Variants in APOB observed in about 807,000 individuals in gnomAD.
The protein encoded by APOB is apolipoprotein B-100.
In APOB, 153 loss-of-function variants were observed where a neutral mutation model predicts 314.1. The ratio of observed to expected loss-of-function variants is 0.49; its 90% confidence interval spans 0.43 to 0.56. The LOEUF is 0.56. Ranked by LOEUF, APOB falls within the 20% of genes least tolerant of loss-of-function variation. The pLI is 0.00. For synonymous variants in APOB, 2,087 were observed against 2,036.4 expected (o/e 1.02, Z -0.67); for missense variants, 5,430 against 5,350.7 (o/e 1.01, Z -0.46).
rs761838451 is a variant in APOB at position 21,002,938 on chromosome 2, C to T, written c.12484G>A (p.Ala4162Thr). 3 of 1,612,168 alleles carry T rather than the reference C, an allele frequency of 1.9e-6. No homozygotes were observed. Among genetic ancestry groups the T allele is most frequent in the South Asian group, 1.1e-5 (1 of 90,720 alleles). The change falls in exon 29 of 29, where the codon GCC becomes ACC. Residue 4162 changes from alanine to threonine, a missense_variant. Physicochemically the swap from Ala to Thr is moderately conservative, Grantham distance 58. Coordinates refer to ENST00000233242, the MANE Select transcript of APOB (RefSeq NM_000384.3). ...TTATCCTTGAGTCCCTGGAAACTGG[C>T]TTGGCCTTCCTGAGTCAACAGTTCC... ...YQELLTQEGQ[A>T]SFQGLKDNVF...
rs766404863 is a variant in APOB, at chr2:21,007,719, G to C, written c.9149C>G (p.Thr3050Arg). The C allele has an allele frequency of 6.2e-7, 1 of 1,613,942 alleles. No homozygotes were observed. The highest frequency in any genetic ancestry group is 2.2e-5 in the East Asian group (1 of 44,898). ...AACTTTCAAATTCCCTTCATTGTTT[G>C]TGGATGCCGTGATCTCAAATGGCTG... ...SAQPFEITAS[T>R]NNEGNLKVRF... Residue 3050 changes from threonine to arginine, a missense_variant, in exon 26 of 29, where the codon ACA (threonine) becomes AGA (arginine). By Grantham distance (71) the Thr-to-Arg change is moderately conservative. Coordinates refer to ENST00000233242, the MANE Select transcript of APOB (RefSeq NM_000384.3).
chr2:21,015,592 T>C, intron 21 of APOB, 47 bp from the exon 22 acceptor site: 1 of 1,587,622 alleles, frequency 6.3e-7, no homozygotes, highest in Non-Finnish European at 8.6e-7. Flanking sequence ...GTCCTTTCAA[T>C]GGAGATATGC....
At chr2:21,031,371 T>C (rs1218502010) in intron 10 of APOB, among the ~76,000 whole-genome samples, 4 of 152,172 alleles carry the variant, frequency 2.6e-5, no homozygotes, top group Non-Finnish European at 5.9e-5. Flanking sequence ...ATATTGCGTG[T>C]TGTCATTTAT....
intron 26 of APOB, 121 bp downstream of exon 26, chr2:21,004,959 A>G (rs924762687): frequency 8.8e-6 from 12 of 1,359,030 alleles, no homozygotes; most frequent in African/African-American, 2.9e-5. Flanking sequence ...CTCTTTTCTT[A>G]CTTAAAATTT....
At chr2:21,014,643 A>C (rs1416246107) in intron 23 of APOB, 50 bp from the exon 24 acceptor site, 1 of 1,604,330 alleles carries the variant, frequency 6.2e-7, no homozygotes, top group South Asian at 1.1e-5. Flanking sequence ...ATGAGCCTCA[A>C]AGAGCAATGA....
chr2:21,024,838 G>C (rs775726966), intron 16 of APOB, 95 bp downstream of exon 16: 4 of 1,297,574 alleles, frequency 3.1e-6, no homozygotes, highest in Non-Finnish European at 4.5e-6. Context: ...GCATCTTTTC[G>C]GGCTTGTGCA....
At chr2:21,013,035 G>T in intron 25 of APOB, 125 bp downstream of exon 25, 2 of 1,146,374 alleles carry the variant, frequency 1.7e-6, no homozygotes, top group Non-Finnish European at 2.5e-6. Context: ...TAAAATAAAA[G>T]ACTTCCAAGT....
chr2:21,013,571 A>G (rs767758764), intron 24 of APOB, 38 bp from the exon 25 acceptor site: 1 of 1,613,240 alleles, frequency 6.2e-7, no homozygotes, highest in Non-Finnish European at 8.5e-7. Context: ...CCACAGTCAG[A>G]CATCAGTCAT....
In APOB at chr2:21,010,382, A is replaced by G. The variant is rs767577474; in HGVS notation, c.6486T>C (p.Asp2162=). 6.3e-7 allele frequency: 1 copy of G among 1,584,942 alleles called. No individual in the cohort carries two copies. Among genetic ancestry groups the G allele is most frequent in the Non-Finnish European group, 8.6e-7 (1 of 1,163,902 alleles). Reference sequence around the variant, plus strand: ...GTTTTTCATTAAAGTTGATTTTGGCATCATCTAATGCAATTTGTATATCAT... The same window carrying G: ...GTTTTTCATTAAAGTTGATTTTGGCGTCATCTAATGCAATTTGTATATCAT... ...TENDIQIALD[D]AKINFNEKLS... is the part of the protein sequence containing the mutation. Residue 2162 remains aspartate (D), a synonymous_variant, in exon 26 of 29, where the codon GAT becomes GAC. Coordinates refer to ENST00000233242, the MANE Select transcript of APOB (RefSeq NM_000384.3).
At chr2:21,015,701 C>T (rs939908870) in intron 21 of APOB, among the ~76,000 whole-genome samples, 156 bp from the exon 22 acceptor site, 5 of 152,144 alleles carry the variant, frequency 3.3e-5, no homozygotes, top group African/African-American at 9.7e-5. Flanking sequence ...CTAAAGCCAA[C>T]ATTCAGCACA....
chr2:21,019,785 G>T lies in APOB; in HGVS notation c.2937C>A (p.Gly979=). 1 of 1,614,162 alleles carries T rather than the reference G, an allele frequency of 6.2e-7. No individual in the cohort carries two copies. Among genetic ancestry groups the T allele is most frequent in the African/African-American group, 1.3e-5 (1 of 75,026 alleles). The stretch of plus-strand genomic sequence containing the variant: ...CTGTGGAGCTGGCGTTGGAGTAAGC[G>T]CCTGAGGTGCAGTAATTCAGGCCAG... ...VFPGLNYCTS[G]AYSNASSTDS... is the part of the protein sequence containing the mutation. The change falls in exon 19 of 29, where the codon GGC becomes GGA. Residue 979 remains glycine, a synonymous_variant. Transcript: ENST00000233242.
chr2:21,011,205 T>C lies in APOB; in HGVS notation c.5663A>G (p.Asp1888Gly). The C allele has an allele frequency of 6.2e-7, 1 of 1,614,024 alleles. No individual in the cohort carries two copies. Among genetic ancestry groups the C allele is most frequent in the Non-Finnish European group, 8.5e-7 (1 of 1,179,994 alleles). The change falls in exon 26 of 29, where the codon GAC (aspartate) becomes GGC (glycine). Residue 1888 changes from aspartate (D) to glycine (G), a missense_variant. Physicochemically the swap from Asp to Gly is moderately conservative, Grantham distance 94. Coordinates refer to ENST00000233242, the MANE Select transcript of APOB (RefSeq NM_000384.3). Reference protein sequence around the residue: ...AIDMSTNYNSDSLHFSNVFRS... With the variant: ...AIDMSTNYNSGSLHFSNVFRS... ...GAAGACATTGCTGAAATGCAGTGAG[T>C]CTGAATTATAGTTTGTGCTCATGTC...
Position 21,043,956 on chromosome 2 carries a change from G to A in APOB, c.-11C>T. ...CCTCGGCGGGTCCATCGCCAGCTGC[G>A]GTGGGGCGGCTCCTGGGCTGCGGCC... On this transcript the variant is annotated 5_prime_UTR_variant, in exon 1 of 29. Coordinates refer to ENST00000233242, the MANE Select transcript of APOB (RefSeq NM_000384.3). 1.6e-6 allele frequency: 2 copies of A among 1,285,706 alleles called. No individual in the cohort carries two copies. Among genetic ancestry groups the A allele is most frequent in the African/African-American group, 3.1e-5 (2 of 63,954 alleles). The allele number at this position is 1,285,706 out of a possible 1,614,324, so 79.6% of individuals were successfully genotyped here. A position where few individuals can be genotyped will look rare whatever the true frequency, so the allele number is the denominator to read the frequency against.
At chr2:21,012,676 G>C (rs1008285847) in intron 25 of APOB, 25 bp from the exon 26 acceptor site, 1 of 1,604,222 alleles carries the variant, frequency 6.2e-7, no homozygotes, top group African/African-American at 1.3e-5. Flanking sequence ...AAAAGACATT[G>C]GTTAAATTAA....
chr2:21,043,971 G>A lies in APOB; in HGVS notation c.-26C>T, dbSNP rs891591457. 4.2e-6 allele frequency: 5 copies of A among 1,203,944 alleles called. No homozygotes were observed. The highest frequency in any genetic ancestry group is 5.2e-6 in the Non-Finnish European group (5 of 955,902). The allele number at this position is 1,203,944 out of a possible 1,614,324, so 74.6% of individuals were successfully genotyped here. On this transcript the variant is annotated 5_prime_UTR_variant, in exon 1 of 29. Coordinates refer to ENST00000233242, the MANE Select transcript of APOB (RefSeq NM_000384.3). ...CGCCAGCTGCGGTGGGGCGGCTCCT[G>A]GGCTGCGGCCTGGCCTCGGCCTCGC...
rs776436444 is a variant in APOB at position 21,029,930 on chromosome 2, C to T, written c.1438G>A (p.Gly480Arg). ...ATCAAATAGGTGTAATCTTCATCCC[C>T]AGTGCAGTCATCTTGAATCTGTTCC... ...LMEQIQDDCTGDEDYTYLILR... is the reference protein window; with the variant it reads ...LMEQIQDDCTRDEDYTYLILR... The change falls in exon 11 of 29, where the codon GGG becomes AGG. Residue 480 changes from glycine to arginine, a missense_variant. This residue lies in a region of APOB where 2,085 missense variants were observed against 2,079.7 expected (regional missense o/e 1.00). Transcript: ENST00000233242. 1 of 1,613,910 alleles carries T rather than the reference C, an allele frequency of 6.2e-7. No homozygotes were observed. The highest frequency in any genetic ancestry group is 8.5e-7 in the Non-Finnish European group (1 of 1,179,832).
rs375146298 is a variant in APOB at position 21,017,213 on chromosome 2, T to G, written c.3122-564A>C. 6.6e-5 allele frequency among the ~76,000 whole-genome samples: 10 copies of G among 152,236 alleles called. No homozygotes were observed. The East Asian group carries it at 1.6e-3, about 24-fold the overall frequency. On this transcript the variant is annotated intron_variant, in intron 20 of 28. Transcript: ENST00000233242. ...TTTTAAACTCAGTTGTGTTCATGTA[T>G]GCAAGTCTTTATGGATTGCCTGTTA...
intron 3 of APOB, among the ~76,000 whole-genome samples, chr2:21,041,299 C>T (rs778075678): frequency 1.3e-5 from 2 of 152,210 alleles, no homozygotes; most frequent in Non-Finnish European, 2.9e-5. Flanking sequence ...TTCCCCCTCC[C>T]GGGTAACACA....
At position 21,006,751 on chromosome 2, in the gene APOB, CAGATGA is replaced by C. The variant is rs1459067085; in HGVS notation, c.10111_10116del (p.Ser3371_Ser3372del). On this transcript the variant is annotated inframe_deletion, in exon 26 of 29. Coordinates refer to ENST00000233242, the MANE Select transcript of APOB (RefSeq NM_000384.3). ...AATTTGTACTGCAGTGCATCAATGACAGATGAAGATGAAGAAAGGAGATGAGCAACA... is the reference window on the plus strand; with the variant it reads ...AATTTGTACTGCAGTGCATCAATGACAGATGAAGAAAGGAGATGAGCAACA... The C allele has an allele frequency of 6.2e-7, 1 of 1,613,894 alleles. No homozygotes were observed. Among genetic ancestry groups the C allele is most frequent in the African/African-American group, 1.3e-5 (1 of 74,872 alleles).
Sources: allele counts gnomAD v4.1 joint callset (sites outside exome capture counted in the v4.1 genomes callset), GRCh38; gene constraint gnomAD v4.1.1; regional missense constraint gnomAD v4.1.1; transcripts MANE v1.5; gene names NCBI Gene and HGNC (gene_info 2026-07-23, HGNC 2026-07-21).